GNA15: variants seen among roughly 807,000 people sequenced by gnomAD.
GNA15 encodes G protein subunit alpha 15.
In GNA15, 23 loss-of-function variants were observed where a neutral mutation model predicts 40.1. The observed-to-expected ratio is 0.57, with a 90% CI of 0.41 to 0.81. The LOEUF (loss-of-function observed/expected upper bound fraction) is 0.81, where lower values mean the gene tolerates loss of function less well. GNA15 is among the 40% of genes least tolerant of loss of function. The probability of loss-of-function intolerance (pLI) is 0.00; values close to 1 mark genes in which losing one functional copy is unlikely to be tolerated. For synonymous variants in GNA15, 226 were observed against 210.4 expected (o/e 1.07, Z -0.64); for missense variants, 522 against 515.8 (o/e 1.01, Z -0.12).
At chr19:3,161,577 T>A (rs1232538818) in intron 6 of GNA15, among the ~76,000 whole-genome samples, 2 of 152,094 alleles carry the variant, frequency 1.3e-5, no homozygotes. Flanking sequence ...GGATAGCCCC[T>A]CTTCCTTGCC....
At chr19:3,137,035 A>T (rs1340148958) in intron 1 of GNA15, among the ~76,000 whole-genome samples, 2 of 152,222 alleles carry the variant, frequency 1.3e-5, no homozygotes, top group African/African-American at 4.8e-5. Context: ...CCTCCCTGCC[A>T]TGGCTGGAGA....
chr19:3,136,900 C>G lies in GNA15; in HGVS notation c.145+305C>G, dbSNP rs1914470895. On this transcript the variant is annotated intron_variant, in intron 1 of 6. Transcript: ENST00000262958. The surrounding 1 kb of genome is among the most constrained non-coding windows in gnomAD (Gnocchi z 4.9). ...CCCTGCCGGGCAGGCCCAGCACGCC[C>G]TACCTGTCTGTGTCATGGCGAGGGA... 6.6e-6 allele frequency among the ~76,000 whole-genome samples: 1 copy of G among 152,244 alleles called. No homozygotes were observed. The highest frequency in any genetic ancestry group is 1.5e-5 in the Non-Finnish European group (1 of 68,044).
In GNA15 at chr19:3,157,780, G is replaced by C. The variant is rs1915062623; in HGVS notation, c.797G>C (p.Trp266Ser). 6.2e-7 allele frequency: 1 copy of C among 1,613,760 alleles called. No homozygotes were observed. Among genetic ancestry groups the C allele is most frequent in the Non-Finnish European group, 8.5e-7 (1 of 1,179,668 alleles). Residue 266 changes from tryptophan (W) to serine (S), a missense_variant, in exon 6 of 7, where the codon TGG becomes TCG. Transcript: ENST00000262958. Reference sequence around the variant, plus strand: ...TTTGGGACTATCCTGGAACTACCCTGGTTCAAAAGCACATCCGTCATCCTC... The same window carrying C: ...TTTGGGACTATCCTGGAACTACCCTCGTTCAAAAGCACATCCGTCATCCTC... Reference protein sequence around the residue: ...ALFGTILELPWFKSTSVILFL... With the variant: ...ALFGTILELPSFKSTSVILFL...
Position 3,136,290 on chromosome 19 carries a change from A to G in GNA15, c.-161A>G. 2 of 662,060 alleles carry G rather than the reference A, an allele frequency of 3.0e-6. No homozygotes were observed. The highest frequency in any genetic ancestry group is 5.0e-6 in the Non-Finnish European group (2 of 402,806). 41.0% of individuals were successfully genotyped at this position (662,060 alleles called of 1,614,324 possible). ...CCGGGCTTCCTGGGTGTTTCAGGCAAGGAAGTCTAGGTCCCTGGGGGGTGA... is the reference window on the plus strand; with the variant it reads ...CCGGGCTTCCTGGGTGTTTCAGGCAGGGAAGTCTAGGTCCCTGGGGGGTGA... On this transcript the variant is annotated 5_prime_UTR_variant, in exon 1 of 7. Coordinates refer to ENST00000262958, the MANE Select transcript of GNA15 (RefSeq NM_002068.4). This position sits in a 1 kb window ranked among gnomAD's most constrained non-coding sequence, Gnocchi z 4.9.
rs1004797624 is a variant in GNA15 at position 3,148,676 on chromosome 19, C to T, written c.231C>T (p.Gly77=). The part of the protein sequence containing the change: ...GAGYSEEERK[G]FRPLVYQNIF... ...GCTACTCGGAGGAGGAGCGCAAGGG[C>T]TTCCGGCCCCTGGTCTACCAGAACA... The change falls in exon 2 of 7, where the codon GGC becomes GGT. Residue 77 remains glycine, a synonymous_variant. Coordinates refer to ENST00000262958, the MANE Select transcript of GNA15 (RefSeq NM_002068.4). The T allele has an allele frequency of 6.3e-7, 1 of 1,594,546 alleles. No homozygotes were observed. Among genetic ancestry groups the T allele is most frequent in the African/African-American group, 1.3e-5 (1 of 74,544 alleles).
chr19:3,148,461 A>C lies in GNA15; in HGVS notation c.146-130A>C, dbSNP rs1599324141. 1.0e-5 allele frequency: 8 copies of C among 799,356 alleles called. No homozygotes were observed. The Admixed American group carries it at 2.4e-4, about 24-fold the overall frequency. 49.5% of individuals were successfully genotyped at this position (799,356 alleles called of 1,614,324 possible). A position where few individuals can be genotyped will look rare whatever the true frequency, so the allele number is the denominator to read the frequency against. On this transcript the variant is annotated intron_variant, in intron 1 of 6. Transcript: ENST00000262958. ...GCCGCTAGCCTAGGGTCACTGAGTG[A>C]GGTCCCGGCTGCACCGGGGTTTGAA...
intron 6 of GNA15, among the ~76,000 whole-genome samples, chr19:3,159,482 G>C (rs1434978625): frequency 6.6e-6 from 1 of 151,956 alleles, no homozygotes; most frequent in African/African-American, 2.4e-5. Context: ...GAGTAGCTGG[G>C]ATTGCAGGCA....
intron 5 of GNA15, among the ~76,000 whole-genome samples, chr19:3,157,190 G>C (rs1290687218): frequency 2.0e-5 from 3 of 151,922 alleles, no homozygotes; most frequent in African/African-American, 7.3e-5. Context: ...GTAGAAACGG[G>C]GTTTCACCAT....
At chr19:3,145,052 A>G (rs1914678828) in intron 1 of GNA15, among the ~76,000 whole-genome samples, 1 of 151,646 alleles carries the variant, frequency 6.6e-6, no homozygotes, top group Non-Finnish European at 1.5e-5. Flanking sequence ...ACAGGGTTTC[A>G]CCATGTTGGT....
intron 4 of GNA15, among the ~76,000 whole-genome samples, chr19:3,152,401 AC>A (rs754452879): frequency 2.0e-5 from 3 of 152,104 alleles, no homozygotes; most frequent in Non-Finnish European, 4.4e-5. Flanking sequence ...GTCAAAAATG[AC>A]ACCTGAGTTT....
At position 3,162,796 on chromosome 19, in the gene GNA15, C is replaced by T. The variant is rs1272031360; in HGVS notation, c.902C>T (p.Pro301Leu). The change falls in exon 7 of 7, where the codon CCT becomes CTT. Residue 301 changes from proline (P) to leucine (L), a missense_variant. Coordinates refer to ENST00000262958, the MANE Select transcript of GNA15 (RefSeq NM_002068.4). Reference protein sequence around the residue: ...LATYFPSFQGPKQDAEAAKRF... With the variant: ...LATYFPSFQGLKQDAEAAKRF... ...CCTTCCCACACTGTTTCCCCAGGCC[C>T]TAAGCAGGATGCTGAGGCAGCCAAG... The T allele has an allele frequency of 1.2e-6, 2 of 1,612,194 alleles. No homozygotes were observed. Among genetic ancestry groups the T allele is most frequent in the Non-Finnish European group, 1.7e-6 (2 of 1,178,444 alleles).
At chr19:3,161,151 C>A (rs1915131695) in intron 6 of GNA15, among the ~76,000 whole-genome samples, 2 of 152,046 alleles carry the variant, frequency 1.3e-5, no homozygotes, top group African/African-American at 4.8e-5. Flanking sequence ...GCCATGTTGC[C>A]CAGGCTGATC....
chr19:3,145,043 C>G (rs1479270480), intron 1 of GNA15, among the ~76,000 whole-genome samples: 4 of 151,622 alleles, frequency 2.6e-5, no homozygotes, highest in Non-Finnish European at 5.9e-5. Context: ...TTAGTAGAGA[C>G]AGGGTTTCAC....
rs760825759 is a variant in GNA15 at position 3,155,889 on chromosome 19, C to T, written c.681C>T (p.Ile227=). 4 of 1,613,774 alleles carry T rather than the reference C, an allele frequency of 2.5e-6. No individual in the cohort carries two copies. Among genetic ancestry groups the T allele is most frequent in the East Asian group, 2.2e-5 (1 of 44,882 alleles). The change falls in exon 5 of 7, where the codon ATC becomes ATT. Residue 227 remains isoleucine (I), a synonymous_variant. Transcript: ENST00000262958. This position sits in a 1 kb window ranked among gnomAD's most constrained non-coding sequence, Gnocchi z 5.6. ...GGATCCATTGTTTCGAGAACGTGAT[C>T]GCCCTCATCTACCTGGCCTCACTGA... ...KKWIHCFENV[I]ALIYLASLSE... is the part of the protein sequence containing the mutation.
chr19:3,136,616 C>T lies in GNA15; in HGVS notation c.145+21C>T, dbSNP rs372463760. On this transcript the variant is annotated intron_variant, in intron 1 of 6. Transcript: ENST00000262958. This position sits in a 1 kb window ranked among gnomAD's most constrained non-coding sequence, Gnocchi z 4.9. ...TTTGGGTGAGTCCAGGGTCGGTGGG[C>T]GGTGGGTGGTGGGCAGTGGGCGGTG... 230 of 1,245,172 alleles carry T rather than the reference C, an allele frequency of 1.8e-4. No homozygotes were observed. In the African/African-American group the frequency reaches 2.5e-3, roughly 14 times the overall value. The allele number at this position is 1,245,172 out of a possible 1,614,324, so 77.1% of individuals were successfully genotyped here. A position where few individuals can be genotyped will look rare whatever the true frequency, so the allele number is the denominator to read the frequency against.
intron 1 of GNA15, chr19:3,142,533 T>C (rs761748806): frequency 6.6e-6 from 1 of 152,132 alleles, no homozygotes; most frequent in African/African-American, 2.4e-5. Context: ...TGGGGCAAAC[T>C]AAGATCTGAG....
Position 3,163,117 on chromosome 19 carries a change from G to A in GNA15, c.*98G>A. The A allele has an allele frequency of 1.3e-6, 1 of 768,536 alleles. No homozygotes were observed. The highest frequency in any genetic ancestry group is 2.6e-5 in the East Asian group (1 of 38,114). The allele number at this position is 768,536 out of a possible 1,614,324, so 47.6% of individuals were successfully genotyped here. On this transcript the variant is annotated 3_prime_UTR_variant, in exon 7 of 7. Transcript: ENST00000262958. Reference sequence around the variant, plus strand: ...GTCCCTGGTCTATCTCTCCAGCCTCGGCCCACACGCAAGGGAGTCGGGGGA... The same window carrying A: ...GTCCCTGGTCTATCTCTCCAGCCTCAGCCCACACGCAAGGGAGTCGGGGGA...
chr19:3,161,804 G>A lies in GNA15; in HGVS notation c.899-989G>A, dbSNP rs184007953. Among the ~76,000 whole-genome samples the A allele has an allele frequency of 1.4e-3, 219 of 152,186 alleles. 1 individual carries two copies. Among genetic ancestry groups the A allele is most frequent in the African/African-American group, 4.8e-3 (200 of 41,522 alleles). On this transcript the variant is annotated intron_variant, in intron 6 of 6. Coordinates refer to ENST00000262958, the MANE Select transcript of GNA15 (RefSeq NM_002068.4). ...AAACCACACTTTGGGAGGCTGAGGC[G>A]CGCAGATCGCTTTAGGTCAGGAGTT... is the stretch of plus-strand genomic sequence containing the variant.
chr19:3,157,339 A>G (rs1915052962), intron 5 of GNA15, among the ~76,000 whole-genome samples: 1 of 152,030 alleles, frequency 6.6e-6, no homozygotes, highest in Non-Finnish European at 1.5e-5. Context: ...CACGGACTTG[A>G]GGGCCACCGT....
Sources: gnomAD v4.1 joint callset for allele counts (sites outside exome capture counted in the v4.1 genomes callset) on GRCh38, gnomAD v4.1.1 for gene constraint, Gnocchi (gnomAD v3.1) non-coding constraint, MANE v1.5 for transcripts, NCBI Gene and HGNC (gene_info 2026-07-23, HGNC 2026-07-21) for gene names.